Variants in TGM3 observed in about 807,000 individuals in gnomAD.
The protein encoded by TGM3 is protein-glutamine gamma-glutamyltransferase E.
A neutral mutation model predicts 73.8 loss-of-function variants in TGM3; 52 were observed. The ratio of observed to expected loss-of-function variants is 0.70; its 90% CI spans 0.56 to 0.89. The LOEUF (loss-of-function observed/expected upper bound fraction) is 0.89. Ranked by LOEUF, TGM3 falls within the 40% of genes least tolerant of loss-of-function variation. The pLI, the probability that TGM3 is intolerant of heterozygous loss-of-function variation, is 0.00. For synonymous variants in TGM3, 372 were observed against 354.9 expected, an observed-to-expected ratio of 1.05 and a Z score of -0.54; for missense variants, 928 against 909.9, an observed-to-expected ratio of 1.02 and a Z score of -0.26.
Position 2,312,836 on chromosome 20 carries a change from C to T in TGM3, c.541-62C>T. The T allele has an allele frequency of 3.1e-6, 5 of 1,605,076 alleles. No homozygotes were observed. The East Asian group carries it at 1.1e-4, about 36-fold the overall frequency. ...CTGTGGTTCTTGCCAGTGCAGTTCC[C>T]TTCTTGAGCCAACTCTCCTTGTCAT... On this transcript the variant is annotated intron_variant, in intron 4 of 12. Transcript: ENST00000381458.
rs1439002249 is a variant in TGM3 at position 2,331,937 on chromosome 20, G to C, written c.1334-65G>C. ...GTCCTAGGCCGCCTGTCCAGGCAGG[G>C]TACTGTCCTTTGCCCAGGTTGCCAT... On this transcript the variant is annotated intron_variant, in intron 9 of 12. Transcript: ENST00000381458. The C allele has an allele frequency of 5.8e-6, 9 of 1,544,302 alleles. No individual in the cohort carries two copies. In the African/African-American group the frequency reaches 1.1e-4, roughly 19 times the overall value.
intron 7 of TGM3, among the ~76,000 whole-genome samples, chr20:2,323,600 G>C (rs948766005): frequency 3.3e-5 from 5 of 152,290 alleles, no homozygotes; most frequent in Non-Finnish European, 7.4e-5. Flanking sequence ...TGAGTATGTA[G>C]ATTTTTACAA....
In TGM3 at chr20:2,335,206, TC is replaced by T. The variant is rs1241460494; in HGVS notation, c.1736del (p.Pro579GlnfsTer19). On this transcript the variant is annotated frameshift_variant, in exon 11 of 13. Transcript: ENST00000381458. LOFTEE classifies it high-confidence loss of function. ...ATCCGGATCACAGCGGTGTGCAAGGTCCCAGATGAGTCTGAGGTGGTGGTGG... is the reference window on the plus strand; with the variant it reads ...ATCCGGATCACAGCGGTGTGCAAGGTCCAGATGAGTCTGAGGTGGTGGTGG... ...NMIRITAVCK[V>X]PDESEVVVER... 1.5e-5 allele frequency: 24 copies of T among 1,614,134 alleles called. No individual in the cohort carries two copies. Among genetic ancestry groups the T allele is most frequent in the Non-Finnish European group, 2.0e-5 (24 of 1,179,996 alleles).
Position 2,339,992 on chromosome 20 carries a change from G to A in TGM3, c.1934+5G>A. 1 of 1,586,526 alleles carries A rather than the reference G, an allele frequency of 6.3e-7. No homozygotes were observed. The highest frequency in any genetic ancestry group is 8.6e-7 in the Non-Finnish European group (1 of 1,166,908). ...GTTGGGTAACCTGAAGATCGAGTGA[G>A]TCCTGGGCCTAAGTGGCCGGTGCAG... On this transcript the variant is annotated splice_donor_5th_base_variant and intron_variant, in intron 12 of 12. Coordinates refer to ENST00000381458, the MANE Select transcript of TGM3 (RefSeq NM_003245.4).
At chr20:2,312,214 A>G (rs139024663) in intron 4 of TGM3, among the ~76,000 whole-genome samples, 216 of 152,002 alleles carry the variant, frequency 1.4e-3, no homozygotes, top group Non-Finnish European at 2.4e-3. Flanking sequence ...AGCCTGGCCT[A>G]TATGGCAAAA....
At chr20:2,308,899 CAG>C (rs1254555619) in intron 1 of TGM3, among the ~76,000 whole-genome samples, 48 of 143,196 alleles carry the variant, frequency 3.4e-4, no homozygotes, top group African/African-American at 1.2e-3. Flanking sequence ...TTTTTTGAGA[CAG>C]AGTTTTGCTG....
At chr20:2,317,319 C>T (rs749864159) in intron 6 of TGM3, 31 bp from the exon 7 acceptor site, 8 of 1,614,040 alleles carry the variant, frequency 5.0e-6, no homozygotes, top group Non-Finnish European at 6.8e-6. Context: ...ATCTCCACCA[C>T]CTGAGTCCTC....
At position 2,309,730 on chromosome 20, in the gene TGM3, C is replaced by T. The variant is rs2084192710; in HGVS notation, c.81C>T (p.Ser27=). ...CGCATCACACAGACAAGTTCTCCAGCCAGGAGCTCATCTTGCGGAGAGGCC... is the reference window on the plus strand; with the variant it reads ...CGCATCACACAGACAAGTTCTCCAGTCAGGAGCTCATCTTGCGGAGAGGCC... ...RQAHHTDKFS[S]QELILRRGQN... The change falls in exon 2 of 13, where the codon AGC becomes AGT. Residue 27 remains serine, a synonymous_variant. Coordinates refer to ENST00000381458, the MANE Select transcript of TGM3 (RefSeq NM_003245.4). The T allele has an allele frequency of 6.2e-7, 1 of 1,614,182 alleles. No homozygotes were observed. Among genetic ancestry groups the T allele is most frequent in the South Asian group, 1.1e-5 (1 of 91,080 alleles).
chr20:2,308,690 C>A (rs2084187072), intron 1 of TGM3, among the ~76,000 whole-genome samples: 1 of 152,200 alleles, frequency 6.6e-6, no homozygotes, highest in South Asian at 2.1e-4. Context: ...TCTCCGCCAG[C>A]CTCCCTAGCA....
chr20:2,301,990 C>A (rs1182196497), intron 1 of TGM3, among the ~76,000 whole-genome samples: 5 of 152,320 alleles, frequency 3.3e-5, no homozygotes, highest in South Asian at 2.1e-4. Flanking sequence ...TGTGAGCCAC[C>A]GTGCCCAGCC....
intron 1 of TGM3, among the ~76,000 whole-genome samples, chr20:2,303,274 C>T (rs1383633526): frequency 1.3e-5 from 2 of 151,504 alleles, no homozygotes; most frequent in Admixed American, 1.3e-4. Context: ...GCACTCCAGC[C>T]TGGGCGACAG....
chr20:2,310,723 A>T (rs544638262), intron 3 of TGM3, among the ~76,000 whole-genome samples: 2 of 152,356 alleles, frequency 1.3e-5, no homozygotes, highest in South Asian at 4.1e-4. Context: ...TTTAAGGGAC[A>T]ATACCACAGT....
Position 2,327,629 on chromosome 20 carries a change from T to G in TGM3, c.1088-491T>G, listed in dbSNP as rs1043595502. Among the ~76,000 whole-genome samples, 4 of 152,194 alleles carry G rather than the reference T, an allele frequency of 2.6e-5. No individual in the cohort carries two copies. In the South Asian group the frequency reaches 6.2e-4, roughly 24 times the overall value. On this transcript the variant is annotated intron_variant, in intron 8 of 12. Coordinates refer to ENST00000381458, the MANE Select transcript of TGM3 (RefSeq NM_003245.4). ...AAAAGCTGAAAGTCACTGACATCTA[T>G]CTATCTATCTATCTAAGCTTCCTAT...
chr20:2,323,698 A>G (rs1429531298), intron 7 of TGM3, among the ~76,000 whole-genome samples: 1 of 152,110 alleles, frequency 6.6e-6, no homozygotes. Flanking sequence ...TTGTTTTCCC[A>G]CCTGGAAATG....
At chr20:2,326,109 T>C in intron 8 of TGM3, 157 bp downstream of exon 8, 1 of 763,328 alleles carries the variant, frequency 1.3e-6, no homozygotes, top group South Asian at 1.8e-5. Context: ...CTGCTAATTT[T>C]GCTTGGCTCG....
intron 5 of TGM3, among the ~76,000 whole-genome samples, chr20:2,315,392 A>G (rs1366814997): frequency 1.3e-5 from 2 of 152,146 alleles, no homozygotes; most frequent in Admixed American, 1.3e-4. Flanking sequence ...GGAGATGGGG[A>G]AGGGCTGCGC....
At chr20:2,296,868 A>C (rs2084111490) in intron 1 of TGM3, among the ~76,000 whole-genome samples, 2 of 152,212 alleles carry the variant, frequency 1.3e-5, no homozygotes, top group Admixed American at 1.3e-4. Flanking sequence ...GGGACGCCAA[A>C]TCCAAACAAG....
chr20:2,318,786 A>G (rs1325443815), intron 7 of TGM3, among the ~76,000 whole-genome samples: 2 of 152,384 alleles, frequency 1.3e-5, no homozygotes, highest in African/African-American at 2.4e-5. Flanking sequence ...CAGAATAAGT[A>G]TATCTAACTT....
intron 5 of TGM3, 145 bp from the exon 6 acceptor site, chr20:2,316,923 G>A: frequency 1.1e-6 from 1 of 948,500 alleles, no homozygotes; most frequent in South Asian, 1.6e-5. Flanking sequence ...TCATCCCCAA[G>A]TCACCTAGAA....
Sources: allele counts gnomAD v4.1 joint callset (sites outside exome capture counted in the v4.1 genomes callset), GRCh38; gene constraint gnomAD v4.1.1; transcripts MANE v1.5; gene names NCBI Gene and HGNC (gene_info 2026-07-23, HGNC 2026-07-21).